The following ST6GALNAC5 variants were observed in gnomAD, a reference collection of about 807,000 sequenced individuals.
ST6GALNAC5 encodes ST6 N-acetylgalactosaminide alpha-2,6-sialyltransferase 5.
Under a neutral mutation model 33.6 loss-of-function variants are expected in ST6GALNAC5, and 27 were observed. The ratio of observed to expected loss-of-function variants is 0.80; its 90% confidence interval spans 0.59 to 1.11. The LOEUF (loss-of-function observed/expected upper bound fraction) is 1.11. Among genes scored for constraint, ST6GALNAC5 ranks in the 50% least tolerant of loss-of-function variants. The pLI, the probability that ST6GALNAC5 is intolerant of heterozygous loss-of-function variation, is 0.00. For missense variants in ST6GALNAC5, 428 were observed against 454.0 expected (o/e 0.94, Z 0.52); for synonymous variants, 194 against 171.2 (o/e 1.13, Z -1.04).
intron 2 of ST6GALNAC5, among the ~76,000 whole-genome samples, chr1:76,926,087 A>G (rs1647082827): frequency 6.6e-6 from 1 of 152,212 alleles, no homozygotes; most frequent in Non-Finnish European, 1.5e-5. Flanking sequence ...TCGCAGGATC[A>G]GAAGAAGTAG....
intron 2 of ST6GALNAC5, among the ~76,000 whole-genome samples, chr1:76,899,427 GCA>G (rs760043652): frequency 7.9e-5 from 12 of 151,990 alleles, no homozygotes; most frequent in Non-Finnish European, 1.5e-4. Flanking sequence ...AGGGATCGGG[GCA>G]CAGAGATAAG....
intron 2 of ST6GALNAC5, among the ~76,000 whole-genome samples, chr1:76,891,033 A>G (rs977885179): frequency 4.6e-5 from 7 of 152,174 alleles, no homozygotes; most frequent in African/African-American, 1.7e-4. Context: ...TTAACAATAA[A>G]ACTTCTATTT....
intron 2 of ST6GALNAC5, among the ~76,000 whole-genome samples, chr1:76,901,718 C>T (rs1309930818): frequency 2.6e-5 from 4 of 152,128 alleles, no homozygotes; most frequent in Non-Finnish European, 5.9e-5. Context: ...TGATTCTTTG[C>T]TTAGTGTAGC....
At chr1:76,895,398 A>G (rs1371106130) in intron 2 of ST6GALNAC5, among the ~76,000 whole-genome samples, 3 of 151,898 alleles carry the variant, frequency 2.0e-5, no homozygotes, top group Admixed American at 6.6e-5. Flanking sequence ...CTGAAGGAAG[A>G]TTTTGTGGTA....
At chr1:76,978,331 C>A (rs11162244) in intron 2 of ST6GALNAC5, among the ~76,000 whole-genome samples, 3 of 151,830 alleles carry the variant, frequency 2.0e-5, no homozygotes, top group Non-Finnish European at 1.5e-5. Flanking sequence ...TTGATGTAAT[C>A]CCATTTGTCT....
At chr1:76,926,447 C>A (rs1423631279) in intron 2 of ST6GALNAC5, among the ~76,000 whole-genome samples, 2 of 152,166 alleles carry the variant, frequency 1.3e-5, no homozygotes, top group Non-Finnish European at 2.9e-5. Context: ...TCATGCCTTG[C>A]ATCTGGCTCT....
chr1:76,983,289 T>C (rs1356855490), intron 2 of ST6GALNAC5, among the ~76,000 whole-genome samples: 1 of 151,984 alleles, frequency 6.6e-6, no homozygotes, highest in African/African-American at 2.4e-5. Flanking sequence ...AAGACTCACA[T>C]AGACTCAAAA....
chr1:76,883,024 C>T, intron 2 of ST6GALNAC5, among the ~76,000 whole-genome samples: 1 of 152,148 alleles, frequency 6.6e-6, no homozygotes, highest in Non-Finnish European at 1.5e-5. Flanking sequence ...AAAGTTTTCC[C>T]AGATACAACA....
At chr1:76,998,191 G>A (rs539147142) in intron 2 of ST6GALNAC5, among the ~76,000 whole-genome samples, 1 of 152,004 alleles carries the variant, frequency 6.6e-6, no homozygotes, top group Admixed American at 6.6e-5. Flanking sequence ...ACAGTAAATT[G>A]GTACCAGGAG....
intron 2 of ST6GALNAC5, among the ~76,000 whole-genome samples, chr1:76,991,836 TGC>T (rs555815121): frequency 1.7e-5 from 2 of 120,372 alleles, no homozygotes; most frequent in African/African-American, 9.2e-5. Flanking sequence ...CTCACGCGTG[TGC>T]GCACACACAC....
At chr1:77,036,733 A>G (rs944289890) in intron 2 of ST6GALNAC5, among the ~76,000 whole-genome samples, 6 of 152,256 alleles carry the variant, frequency 3.9e-5, no homozygotes, top group Non-Finnish European at 8.8e-5. Context: ...TTTGCAAAGT[A>G]TATTTGTTGA....
chr1:76,921,951 A>G (rs1276724716), intron 2 of ST6GALNAC5, among the ~76,000 whole-genome samples: 1 of 152,204 alleles, frequency 6.6e-6, no homozygotes, highest in Non-Finnish European at 1.5e-5. Flanking sequence ...ATCAGAAACA[A>G]TGAAAGGACG....
Position 77,030,961 on chromosome 1 carries a change from C to A in ST6GALNAC5, c.262-13243C>A, listed in dbSNP as rs1019495114. On this transcript the variant is annotated intron_variant, in intron 2 of 4. Transcript: ENST00000477717. Reference sequence around the variant, plus strand: ...CGGAGTGAAGGCAGTTGTGTCTGGGCAGTCTGCCTAAGAGTTTCCATTACA... The same window carrying A: ...CGGAGTGAAGGCAGTTGTGTCTGGGAAGTCTGCCTAAGAGTTTCCATTACA... 2.1e-4 allele frequency among the ~76,000 whole-genome samples: 32 copies of A among 152,258 alleles called. 1 individual carries two copies. Among genetic ancestry groups the A allele is most frequent in the Middle Eastern group, 3.4e-3 (1 of 294 alleles).
At chr1:76,910,926 T>C (rs1014235251) in intron 2 of ST6GALNAC5, among the ~76,000 whole-genome samples, 1 of 151,836 alleles carries the variant, frequency 6.6e-6, no homozygotes, top group Non-Finnish European at 1.5e-5. Context: ...ACTGCAATTG[T>C]AGATGATAAA....
chr1:76,903,557 T>C (rs1016407686), intron 2 of ST6GALNAC5, among the ~76,000 whole-genome samples: 4 of 152,158 alleles, frequency 2.6e-5, no homozygotes, highest in Admixed American at 1.3e-4. Context: ...AATGAAAATA[T>C]CTAGCTACAA....
At chr1:76,984,814 A>G (rs145926858) in intron 2 of ST6GALNAC5, among the ~76,000 whole-genome samples, 3 of 152,242 alleles carry the variant, frequency 2.0e-5, no homozygotes, top group Non-Finnish European at 2.9e-5. Flanking sequence ...AAGCTTATGC[A>G]CTACGATCAA....
In ST6GALNAC5 at chr1:76,948,740, A is replaced by G. The variant is rs189139755; in HGVS notation, c.261+79998A>G. 7.7e-4 allele frequency among the ~76,000 whole-genome samples: 117 copies of G among 152,266 alleles called. 2 individuals are homozygous for G. Among genetic ancestry groups the G allele is most frequent in the Admixed American group, 7.7e-3 (117 of 15,288 alleles). On this transcript the variant is annotated intron_variant, in intron 2 of 4. Transcript: ENST00000477717. ...CATAACTACTCCCACCATAGTGAAT[A>G]TGATAGAGTGTATATCTGATTTCTT...
At chr1:76,918,013 G>T (rs1646992624) in intron 2 of ST6GALNAC5, among the ~76,000 whole-genome samples, 1 of 152,120 alleles carries the variant, frequency 6.6e-6, no homozygotes, top group Non-Finnish European at 1.5e-5. Context: ...GTCTCATCCA[G>T]AAACACCCAG....
chr1:76,974,630 G>A (rs1230932773), intron 2 of ST6GALNAC5, among the ~76,000 whole-genome samples: 1 of 151,690 alleles, frequency 6.6e-6, no homozygotes, highest in Non-Finnish European at 1.5e-5. Flanking sequence ...GGTCTGGTGT[G>A]AAGGTTATTG....
Sources: gnomAD v4.1 joint callset for allele counts (sites outside exome capture counted in the v4.1 genomes callset) on GRCh38, gnomAD v4.1.1 for gene constraint, MANE v1.5 for transcripts, NCBI Gene and HGNC (gene_info 2026-07-23, HGNC 2026-07-21) for gene names.